Variants in RBFOX3 observed in about 807,000 individuals in gnomAD.
The protein encoded by RBFOX3 is RNA binding fox-1 homolog 3.
In RBFOX3, 17 loss-of-function variants were observed where a neutral mutation model predicts 48.7. The ratio of observed to expected loss-of-function variants is 0.35; its 90% CI spans 0.24 to 0.52. RBFOX3 has a LOEUF of 0.52. RBFOX3 is among the 20% of genes least tolerant of loss of function. The pLI, the probability that RBFOX3 is intolerant of heterozygous loss-of-function variation, is 0.94. For missense variants in RBFOX3, 382 were observed against 497.5 expected (o/e 0.77, Z 2.21); for synonymous variants, 212 against 209.5 (o/e 1.01, Z -0.10).
intron 2 of RBFOX3, among the ~76,000 whole-genome samples, chr17:79,408,674 GC>G (rs2063875750): frequency 6.6e-6 from 1 of 152,158 alleles, no homozygotes; most frequent in Non-Finnish European, 1.5e-5. Flanking sequence ...AGCCGATGAG[GC>G]CCACATTGTT....
At chr17:79,486,598 C>T (rs1165639690) in intron 1 of RBFOX3, among the ~76,000 whole-genome samples, 1 of 152,196 alleles carries the variant, frequency 6.6e-6, no homozygotes, top group Non-Finnish European at 1.5e-5. Context: ...CCTCCACCTG[C>T]TTCCTCAGGA....
Position 79,111,788 on chromosome 17 carries a change from G to C in RBFOX3, c.222+3706C>G, listed in dbSNP as rs931923630. On this transcript the variant is annotated intron_variant, in intron 5 of 14. Transcript: ENST00000693108. The surrounding 1 kb of genome is among the most constrained non-coding windows in gnomAD (Gnocchi z 4.2). ...AAGACTCCCAAGGGCCCACAGTACT[G>C]GCACCTGCGTGACCCCGAGTGAGTG... 1.3e-5 allele frequency among the ~76,000 whole-genome samples: 2 copies of C among 152,242 alleles called. No homozygotes were observed. Among genetic ancestry groups the C allele is most frequent in the African/African-American group, 4.8e-5 (2 of 41,476 alleles).
chr17:79,443,000 C>G (rs1483143014), intron 2 of RBFOX3, among the ~76,000 whole-genome samples: 2 of 152,238 alleles, frequency 1.3e-5, no homozygotes, highest in Non-Finnish European at 2.9e-5. Flanking sequence ...CGGCATTGGT[C>G]AGAAGCCTCC....
intron 4 of RBFOX3, among the ~76,000 whole-genome samples, chr17:79,185,281 T>C (rs1381371937): frequency 6.6e-6 from 1 of 152,200 alleles, no homozygotes; most frequent in Non-Finnish European, 1.5e-5. Flanking sequence ...AGGGGGCTGG[T>C]CTGTCTCCAC....
At chr17:79,501,191 G>A (rs1222019213) in intron 1 of RBFOX3, among the ~76,000 whole-genome samples, 4 of 152,286 alleles carry the variant, frequency 2.6e-5, no homozygotes, top group Non-Finnish European at 5.9e-5. Flanking sequence ...ATCTTCCTCC[G>A]AGCCGCTAAA....
intron 1 of RBFOX3, among the ~76,000 whole-genome samples, chr17:79,517,462 C>A (rs1211862385): frequency 0.017 from 2,189 of 125,326 alleles, 43 homozygotes; most frequent in African/African-American, 0.054. Flanking sequence ...AAAAAAAAAA[C>A]AAACAAAAAC....
At chr17:79,582,817 A>G (rs1338995274) in intron 1 of RBFOX3, among the ~76,000 whole-genome samples, 2 of 149,774 alleles carry the variant, frequency 1.3e-5, no homozygotes, top group Non-Finnish European at 3.0e-5. Context: ...AAAGGATGCA[A>G]TTCCTGGAAG....
intron 1 of RBFOX3, among the ~76,000 whole-genome samples, chr17:79,605,328 G>A (rs1260536763): frequency 6.6e-6 from 1 of 152,168 alleles, no homozygotes; most frequent in Non-Finnish European, 1.5e-5. Flanking sequence ...TTCAGGGGCT[G>A]GCTGGTGGCA....
chr17:79,286,932 T>C (rs7223429), intron 3 of RBFOX3, among the ~76,000 whole-genome samples: 72,679 of 152,072 alleles, frequency 0.48, 17,769 homozygotes, highest in East Asian at 0.62. Context: ...GGTTCCCTAA[T>C]CCACCCTATG....
At chr17:79,109,266 G>A (rs566083171) in intron 5 of RBFOX3, among the ~76,000 whole-genome samples, 21 of 152,358 alleles carry the variant, frequency 1.4e-4, no homozygotes, top group Non-Finnish European at 2.8e-4. Context: ...ATCAGTGGGG[G>A]CTGAGCTTTG....
chr17:79,603,456 T>C (rs2093756208), intron 1 of RBFOX3, among the ~76,000 whole-genome samples: 1 of 152,200 alleles, frequency 6.6e-6, no homozygotes, highest in African/African-American at 2.4e-5. Flanking sequence ...TACTTCTTTC[T>C]GCCTGGCTTC....
chr17:79,283,971 CGT>C (rs2071231158), intron 3 of RBFOX3, among the ~76,000 whole-genome samples: 1 of 100,696 alleles, frequency 9.9e-6, no homozygotes, highest in African/African-American at 3.3e-5. Context: ...CCAGGACCAT[CGT>C]AACATTTGCC....
intron 1 of RBFOX3, among the ~76,000 whole-genome samples, chr17:79,602,988 CT>C (rs35479641): frequency 0.61 from 60,404 of 99,250 alleles, 17,306 homozygotes; most frequent in South Asian, 0.71. Flanking sequence ...TTGAGCTACC[CT>C]TTTTTTTTTT....
At chr17:79,383,593 G>A (rs1225597620) in intron 2 of RBFOX3, among the ~76,000 whole-genome samples, 1 of 152,236 alleles carries the variant, frequency 6.6e-6, no homozygotes, top group African/African-American at 2.4e-5. Context: ...CCAACGTGTG[G>A]AAAGTGCCCC....
At chr17:79,178,544 G>C (rs116370778) in intron 4 of RBFOX3, among the ~76,000 whole-genome samples, 1 of 152,176 alleles carries the variant, frequency 6.6e-6, no homozygotes, top group Admixed American at 6.5e-5. Flanking sequence ...GAGGTAGTAC[G>C]TGACCTAACC....
In RBFOX3 at chr17:79,418,336, G is replaced by A. The variant is rs529566064; in HGVS notation, c.-175+64118C>T. Among the ~76,000 whole-genome samples the A allele has an allele frequency of 3.4e-4, 52 of 152,200 alleles. 1 individual carries two copies. The South Asian group carries it at 8.9e-3, about 26-fold the overall frequency. On this transcript the variant is annotated intron_variant, in intron 2 of 14. Transcript: ENST00000693108. The surrounding 1 kb of genome is among the most constrained non-coding windows in gnomAD (Gnocchi z 5.0). ...CACCCATGCACACGCGTGCACACAC[G>A]TTTCCCACACTAAAAGTTGGCCACG...
intron 2 of RBFOX3, among the ~76,000 whole-genome samples, chr17:79,425,880 G>A (rs1366124843): frequency 6.6e-6 from 1 of 152,204 alleles, no homozygotes; most frequent in Non-Finnish European, 1.5e-5. Flanking sequence ...CCCCCTTCCA[G>A]GGATCTTGCT....
chr17:79,383,563 C>A (rs560584348), intron 2 of RBFOX3, among the ~76,000 whole-genome samples: 59 of 152,320 alleles, frequency 3.9e-4, no homozygotes, highest in East Asian at 1.2e-3. Context: ...GGAGTACCCC[C>A]CCGATGGCTG....
chr17:79,577,547 G>C (rs2144710415), intron 1 of RBFOX3, among the ~76,000 whole-genome samples: 1 of 152,342 alleles, frequency 6.6e-6, no homozygotes, highest in African/African-American at 2.4e-5. Flanking sequence ...GCGGGGACAA[G>C]AAAAGCATTT....
Sources: gnomAD v4.1 joint callset for allele counts (sites outside exome capture counted in the v4.1 genomes callset) on GRCh38, gnomAD v4.1.1 for gene constraint, Gnocchi (gnomAD v3.1) non-coding constraint, MANE v1.5 for transcripts, NCBI Gene and HGNC (gene_info 2026-07-23, HGNC 2026-07-21) for gene names.